ELMO1: variants seen among roughly 807,000 people sequenced by gnomAD.
The protein encoded by ELMO1 is engulfment and cell motility protein 1.
ELMO1 carries 26 observed loss-of-function variants against 98.9 expected under a neutral mutation model. The ratio of observed to expected loss-of-function variants is 0.26; its 90% CI spans 0.19 to 0.36. The LOEUF (loss-of-function observed/expected upper bound fraction) is 0.36, where lower values mean the gene tolerates loss of function less well. ELMO1 is among the 10% of genes least tolerant of loss of function. The pLI, the probability that ELMO1 is intolerant of heterozygous loss-of-function variation, is 1.00. For missense variants in ELMO1, 627 were observed against 935.2 expected (o/e 0.67, Z 4.30); for synonymous variants, 346 against 346.0 (o/e 1.00, Z 0.00).
chr7:37,101,914 C>T (rs193171677), intron 14 of ELMO1, among the ~76,000 whole-genome samples: 3 of 152,258 alleles, frequency 2.0e-5, no homozygotes, highest in Non-Finnish European at 2.9e-5. Context: ...CAAACTAAAG[C>T]GTTCCAGCCA....
At chr7:36,933,898 G>A (rs956171957) in intron 16 of ELMO1, among the ~76,000 whole-genome samples, 16 of 152,192 alleles carry the variant, frequency 1.1e-4, no homozygotes, top group Non-Finnish European at 2.2e-4. Context: ...CGTCCCATCT[G>A]AATGACAACA....
At chr7:37,255,238 C>G (rs1490721089) in intron 6 of ELMO1, among the ~76,000 whole-genome samples, 3 of 152,100 alleles carry the variant, frequency 2.0e-5, no homozygotes, top group Non-Finnish European at 4.4e-5. Context: ...CTAATCCAAT[C>G]TGACTCTTGT....
At chr7:37,211,083 C>T (rs1054544325) in intron 13 of ELMO1, 2 of 259,212 alleles carry the variant, frequency 7.7e-6, no homozygotes, top group Non-Finnish European at 1.5e-5. Context: ...AAATCTTAAG[C>T]ATCTTGTGAA....
At position 37,145,164 on chromosome 7, in the gene ELMO1, G is replaced by A. The variant is rs1787901255; in HGVS notation, c.1087-11930C>T. On this transcript the variant is annotated intron_variant, in intron 13 of 21. Transcript: ENST00000310758. ...GGCCTGGGGTGAGGCCAAAGAATCT[G>A]CATCTCTAATAAATCCCCAGGTGAT... Among the ~76,000 whole-genome samples, 2 of 152,298 alleles carry A rather than the reference G, an allele frequency of 1.3e-5. 1 individual carries two copies. The highest frequency in any genetic ancestry group is 6.8e-3 in the Middle Eastern group (2 of 294).
intron 15 of ELMO1, among the ~76,000 whole-genome samples, chr7:37,061,734 C>T (rs1269375607): frequency 6.6e-6 from 1 of 152,130 alleles, no homozygotes; most frequent in African/African-American, 2.4e-5. Context: ...TAAAAAAGAA[C>T]AATAAACAAA....
intron 16 of ELMO1, among the ~76,000 whole-genome samples, chr7:36,926,862 T>C (rs116744951): frequency 0.014 from 2,205 of 152,350 alleles, 48 homozygotes; most frequent in African/African-American, 0.05. Context: ...GTATGTGTTC[T>C]GCTTTTTGCA....
chr7:36,982,199 T>A (rs1791123481), intron 16 of ELMO1, among the ~76,000 whole-genome samples: 1 of 152,266 alleles, frequency 6.6e-6, no homozygotes. Context: ...TCTACTTTTT[T>A]AACTATGAAT....
intron 13 of ELMO1, among the ~76,000 whole-genome samples, chr7:37,182,468 T>C (rs1232735782): frequency 2.1e-5 from 3 of 141,422 alleles, no homozygotes; most frequent in African/African-American, 7.9e-5. Flanking sequence ...TCTACTTTTT[T>C]TTTTTTTTTT....
chr7:37,301,629 C>T (rs916682986), intron 4 of ELMO1, among the ~76,000 whole-genome samples: 6 of 131,852 alleles, frequency 4.6e-5, no homozygotes, highest in African/African-American at 8.6e-5. Context: ...AATAAAGAAT[C>T]GTTACTGCTT....
intron 16 of ELMO1, among the ~76,000 whole-genome samples, chr7:36,971,242 G>T (rs571705523): frequency 6.6e-6 from 1 of 152,376 alleles, no homozygotes; most frequent in East Asian, 1.9e-4. Context: ...GGTGAGGCAT[G>T]AACTGTTCAA....
intron 1 of ELMO1, among the ~76,000 whole-genome samples, chr7:37,390,306 C>T (rs1461274484): frequency 2.0e-5 from 3 of 152,180 alleles, no homozygotes; most frequent in Admixed American, 2.0e-4. Context: ...GGAGTATGAA[C>T]GGTTTCACAT....
intron 13 of ELMO1, among the ~76,000 whole-genome samples, chr7:37,194,071 C>CA (rs1321952023): frequency 1.3e-5 from 2 of 152,182 alleles, no homozygotes; most frequent in African/African-American, 4.8e-5. Flanking sequence ...ACTGGAGTCC[C>CA]ATGTGTCACA....
intron 1 of ELMO1, among the ~76,000 whole-genome samples, chr7:37,385,874 C>A (rs1178417429): frequency 6.6e-6 from 1 of 152,204 alleles, no homozygotes; most frequent in Non-Finnish European, 1.5e-5. Flanking sequence ...TGGGAAACTA[C>A]CAGTGCCAGG....
intron 13 of ELMO1, among the ~76,000 whole-genome samples, chr7:37,207,690 C>T (rs948043738): frequency 6.6e-6 from 1 of 151,978 alleles, no homozygotes; most frequent in Admixed American, 6.6e-5. Context: ...TGCTTGTAAT[C>T]CCAGCACTTT....
At chr7:37,431,605 G>A (rs1204552708) in intron 1 of ELMO1, among the ~76,000 whole-genome samples, 1 of 152,304 alleles carries the variant, frequency 6.6e-6, no homozygotes, top group East Asian at 1.9e-4. Flanking sequence ...ATGAAAGGAA[G>A]GCTGGGTCAC....
chr7:37,048,372 TAAAA>T (rs35156424), intron 15 of ELMO1, among the ~76,000 whole-genome samples: 12,625 of 152,256 alleles, frequency 0.083, 731 homozygotes, highest in African/African-American at 0.17. Context: ...CCTTAAATTA[TAAAA>T]AATAAGGCAA....
intron 13 of ELMO1, among the ~76,000 whole-genome samples, chr7:37,159,239 C>T (rs1027265004): frequency 6.6e-6 from 1 of 152,158 alleles, no homozygotes. Context: ...AAACATGGTA[C>T]ATGTATACCT....
At position 37,186,710 on chromosome 7, in the gene ELMO1, C is replaced by A. The variant is rs185120278; in HGVS notation, c.1086+24676G>T. On this transcript the variant is annotated intron_variant, in intron 13 of 21. Coordinates refer to ENST00000310758, the MANE Select transcript of ELMO1 (RefSeq NM_014800.11). ...TGACCAATAAGCACAAGAAAAGATGCTCAAATATTATTAGCCATCTGGTAA... is the reference window on the plus strand; with the variant it reads ...TGACCAATAAGCACAAGAAAAGATGATCAAATATTATTAGCCATCTGGTAA... Among the ~76,000 whole-genome samples, 376 of 152,266 alleles carry A rather than the reference C, an allele frequency of 2.5e-3. 5 individuals are homozygous for A. The highest frequency in any genetic ancestry group is 3.8e-3 in the Non-Finnish European group (259 of 68,006).
chr7:37,162,704 G>A (rs1473630497), intron 13 of ELMO1, among the ~76,000 whole-genome samples: 1 of 152,146 alleles, frequency 6.6e-6, no homozygotes, highest in Non-Finnish European at 1.5e-5. Context: ...CAATAATGAA[G>A]AAACCGGCAA....
Sources: allele counts gnomAD v4.1 joint callset (sites outside exome capture counted in the v4.1 genomes callset), GRCh38; gene constraint gnomAD v4.1.1; transcripts MANE v1.5; gene names NCBI Gene and HGNC (gene_info 2026-07-23, HGNC 2026-07-21).